SORBS2: variants seen among roughly 807,000 people sequenced by gnomAD.
SORBS2 encodes the protein sorbin and SH3 domain-containing protein 2.
Under a neutral mutation model 97.7 loss-of-function variants are expected in SORBS2, and 46 were observed. The ratio of observed to expected loss-of-function variants is 0.47; its 90% CI spans 0.37 to 0.60. The LOEUF is 0.60. SORBS2 is among the 20% of genes least tolerant of loss of function. The probability of loss-of-function intolerance (pLI) is 0.00; values close to 1 mark genes in which losing one functional copy is unlikely to be tolerated. For missense variants in SORBS2, 1,316 were observed against 1,282.3 expected (o/e 1.03, Z -0.40); for synonymous variants, 476 against 473.4 (o/e 1.01, Z -0.07).
intron 1 of SORBS2, among the ~76,000 whole-genome samples, chr4:185,787,908 C>T (rs1460743586): frequency 6.6e-6 from 1 of 152,246 alleles, no homozygotes; most frequent in African/African-American, 2.4e-5. Context: ...ATCCCCTACA[C>T]ATTTTGAAAA....
At chr4:185,620,434 C>G (rs964551565) in intron 7 of SORBS2, among the ~76,000 whole-genome samples, 7 of 152,136 alleles carry the variant, frequency 4.6e-5, no homozygotes, top group African/African-American at 1.7e-4. Flanking sequence ...CCCAGTAAGA[C>G]AATTTATAGT....
At chr4:185,901,589 A>C (rs527299632) in intron 1 of SORBS2, among the ~76,000 whole-genome samples, 18 of 152,210 alleles carry the variant, frequency 1.2e-4, no homozygotes, top group Non-Finnish European at 2.5e-4. Context: ...TTCTATATTT[A>C]TACTAATCAC....
chr4:185,608,979 ATTAATTAGATTTAT>A (rs1381698672), intron 12 of SORBS2, among the ~76,000 whole-genome samples: 1 of 145,090 alleles, frequency 6.9e-6, no homozygotes, highest in Non-Finnish European at 1.5e-5. Context: ...GGAGTGGGGT[ATTAATTAGATTTAT>A]TTAGCTTTTT....
chr4:185,709,712 G>C (rs2098400793), intron 2 of SORBS2, among the ~76,000 whole-genome samples: 1 of 151,978 alleles, frequency 6.6e-6, no homozygotes, highest in East Asian at 1.9e-4. Context: ...TTGAGTTCAA[G>C]ATCCTCCCAT....
chr4:185,891,517 C>A (rs1206486616), intron 1 of SORBS2, among the ~76,000 whole-genome samples: 1 of 152,196 alleles, frequency 6.6e-6, no homozygotes, highest in African/African-American at 2.4e-5. Context: ...CTGCAGATAG[C>A]AACACTATTG....
chr4:185,755,865 T>C (rs147631150), intron 2 of SORBS2, among the ~76,000 whole-genome samples: 4 of 152,338 alleles, frequency 2.6e-5, no homozygotes, highest in South Asian at 2.1e-4. Flanking sequence ...ATCTCACTTA[T>C]CTTAATCCCA....
At chr4:185,786,052 G>T (rs1367774000) in intron 1 of SORBS2, among the ~76,000 whole-genome samples, 1 of 152,104 alleles carries the variant, frequency 6.6e-6, no homozygotes, top group Non-Finnish European at 1.5e-5. Context: ...TTACTTTGCT[G>T]TTGGGGAAAA....
intron 1 of SORBS2, among the ~76,000 whole-genome samples, chr4:185,779,186 C>T (rs1277349177): frequency 3.0e-5 from 1 of 33,552 alleles, no homozygotes; most frequent in Non-Finnish European, 6.7e-5. Flanking sequence ...GTGCATAATA[C>T]TTAAGAGTAG....
At chr4:185,900,978 A>G (rs538274640) in intron 1 of SORBS2, among the ~76,000 whole-genome samples, 1 of 152,374 alleles carries the variant, frequency 6.6e-6, no homozygotes, top group East Asian at 1.9e-4. Flanking sequence ...CATTTTGCAC[A>G]TATCTAACAT....
chr4:185,752,606 G>A (rs1373235327), intron 2 of SORBS2, among the ~76,000 whole-genome samples: 1 of 152,148 alleles, frequency 6.6e-6, no homozygotes, highest in East Asian at 1.9e-4. Flanking sequence ...GATATATTCA[G>A]CTTCATCACC....
intron 1 of SORBS2, among the ~76,000 whole-genome samples, chr4:185,917,667 G>A (rs1260122686): frequency 6.6e-6 from 1 of 152,178 alleles, no homozygotes; most frequent in African/African-American, 2.4e-5. Flanking sequence ...ATTCAACCTG[G>A]GGTTTGCGAC....
rs150637177 is a variant in SORBS2 at position 185,597,857 on chromosome 4, G to T, written c.2797-3922C>A. On this transcript the variant is annotated intron_variant, in intron 12 of 14. Coordinates refer to ENST00000418609, the Ensembl canonical transcript of SORBS2. ...GCCCCTTTTTATCCAAGTTCCCAAG[G>T]CTGGAAAAATTTTAAAAGCCTATTT... 1.1e-3 allele frequency among the ~76,000 whole-genome samples: 167 copies of T among 152,294 alleles called. 2 individuals carry two copies. In the East Asian group the frequency reaches 0.029, roughly 26 times the overall value.
chr4:185,683,027 AAAG>A (rs757197451), intron 2 of SORBS2, among the ~76,000 whole-genome samples: 9,560 of 147,974 alleles, frequency 0.065, 374 homozygotes, highest in Middle Eastern at 0.13. Context: ...AAAAAAAAAA[AAAG>A]AAAAGAAAAG....
intron 2 of SORBS2, among the ~76,000 whole-genome samples, chr4:185,762,914 C>A (rs2098908708): frequency 6.6e-6 from 1 of 152,164 alleles, no homozygotes; most frequent in Non-Finnish European, 1.5e-5. Context: ...TGAGGTCGGG[C>A]GTGGTGGCTT....
upstream of SORBS2, among the ~76,000 whole-genome samples, chr4:185,660,707 G>A (rs986288980): frequency 6.6e-6 from 1 of 152,136 alleles, no homozygotes. Flanking sequence ...GAGGTGCACT[G>A]TCTGTGTCAA....
chr4:185,800,580 T>A (rs1369820739), intron 1 of SORBS2, among the ~76,000 whole-genome samples: 1 of 152,170 alleles, frequency 6.6e-6, no homozygotes, highest in Non-Finnish European at 1.5e-5. Flanking sequence ...GGGGTAGCCC[T>A]GCTTCCCTTG....
intron 13 of SORBS2, among the ~76,000 whole-genome samples, chr4:185,591,271 G>A (rs1266589743): frequency 6.6e-6 from 1 of 152,112 alleles, no homozygotes; most frequent in Non-Finnish European, 1.5e-5. Flanking sequence ...AACATTAGAG[G>A]CTTCTTCTCC....
chr4:185,600,975 G>T (rs1314149205), intron 12 of SORBS2, among the ~76,000 whole-genome samples: 5 of 152,004 alleles, frequency 3.3e-5, no homozygotes, highest in Non-Finnish European at 7.4e-5. Flanking sequence ...CTTTTGTGTA[G>T]GTTTTATTTT....
chr4:185,623,463 G>A lies in SORBS2; in HGVS notation c.1666C>T (p.His556Tyr), dbSNP rs768602914. 2.1e-5 allele frequency: 34 copies of A among 1,612,604 alleles called. No homozygotes were observed. The Admixed American group carries it at 3.0e-4, about 14-fold the overall frequency. Residue 556 changes from histidine to tyrosine, a missense_variant, in exon 7 of 15, where the codon CAC becomes TAC. Physicochemically the swap from His to Tyr is moderately conservative, Grantham distance 83. Coordinates refer to ENST00000418609, the Ensembl canonical transcript of SORBS2. The surrounding 1 kb of genome is among the most constrained non-coding windows in gnomAD (Gnocchi z 6.4). ...CTGCCTTTGCAGGAGCTGATGAGGT[G>A]GCGGTGGTGGTGGTGGTGGTGATGG...
Sources: gnomAD v4.1 joint callset for allele counts (sites outside exome capture counted in the v4.1 genomes callset) on GRCh38, gnomAD v4.1.1 for gene constraint, Gnocchi (gnomAD v3.1) non-coding constraint, MANE v1.5 for transcripts, NCBI Gene and HGNC (gene_info 2026-07-23, HGNC 2026-07-21) for gene names.